WBP2NL: variants seen among roughly 807,000 people sequenced by gnomAD.
The protein encoded by WBP2NL is postacrosomal sheath WW domain-binding protein.
Under a neutral mutation model 23.3 loss-of-function variants are expected in WBP2NL, and 27 were observed. That is an observed-to-expected ratio of 1.16 (90% CI 0.85 to 1.60). The LOEUF is 1.60. Among genes scored for constraint, WBP2NL ranks in the 40% most tolerant of loss-of-function variants. WBP2NL has a pLI of 0.00. For synonymous variants in WBP2NL, 151 were observed against 145.9 expected, an observed-to-expected ratio of 1.03 and a Z score of -0.25; for missense variants, 370 against 389.5, an observed-to-expected ratio of 0.95 and a Z score of 0.42.
chr22:42,012,529 T>G (rs575937443), intron 1 of WBP2NL, among the ~76,000 whole-genome samples: 1 of 152,348 alleles, frequency 6.6e-6, no homozygotes, highest in South Asian at 2.1e-4. Context: ...GCTGTTGATT[T>G]CTAGTTTCTT....
intron 8 of WBP2NL, among the ~76,000 whole-genome samples, chr22:42,052,173 G>A (rs1002005078): frequency 1.3e-5 from 2 of 152,170 alleles, no homozygotes; most frequent in African/African-American, 4.8e-5. Context: ...CTTTGTAGAG[G>A]TAAAGGTCTG....
rs2146803859 is a variant in WBP2NL at position 42,027,982 on chromosome 22, A to G, written c.*801A>G. ...GAAATGCAACCTGAGATGAGAAAAC[A>G]TTTTTATCTCCAAAGATTTACAAAT... On this transcript the variant is annotated 3_prime_UTR_variant, in exon 6 of 6. Transcript: ENST00000328823. 2 of 398,468 alleles carry G rather than the reference A, an allele frequency of 5.0e-6. No individual in the cohort carries two copies. Among genetic ancestry groups the G allele is most frequent in the Middle Eastern group, 6.3e-4 (1 of 1,584 alleles). The allele number at this position is 398,468 out of a possible 1,614,324, so 24.7% of individuals were successfully genotyped here.
chr22:42,019,355 G>C lies in WBP2NL; in HGVS notation c.107G>C (p.Arg36Pro). ...AATGTGGAGCTCTCCTTCCCACAGC[G>C]ATCAGAAGGCTCAAATGTCTTTAGT... Reference protein sequence around the residue: ...SPNVELSFPQRSEGSNVFSGR... With the variant: ...SPNVELSFPQPSEGSNVFSGR... The change falls in exon 2 of 6, where the codon CGA becomes CCA. Residue 36 changes from arginine (R) to proline (P), a missense_variant. Arg to Pro is a moderately radical substitution (Grantham distance 103). Coordinates refer to ENST00000328823, the MANE Select transcript of WBP2NL (RefSeq NM_152613.3). 1 of 1,614,112 alleles carries C rather than the reference G, an allele frequency of 6.2e-7. No individual in the cohort carries two copies. Among genetic ancestry groups the C allele is most frequent in the South Asian group, 1.1e-5 (1 of 91,082 alleles).
At chr22:42,010,484 A>T (rs1388836562) in intron 1 of WBP2NL, among the ~76,000 whole-genome samples, 1 of 152,024 alleles carries the variant, frequency 6.6e-6, no homozygotes, top group East Asian at 1.9e-4. Context: ...GCTTCCTTCT[A>T]CTTTTAGTTT....
chr22:42,041,843 T>A (rs1925410244), intron 8 of WBP2NL, among the ~76,000 whole-genome samples: 2 of 152,238 alleles, frequency 1.3e-5, no homozygotes, highest in African/African-American at 4.8e-5. Flanking sequence ...TTTGAAGAAA[T>A]CCCTTAAGCA....
At chr22:42,020,691 G>A (rs133337) in intron 4 of WBP2NL, among the ~76,000 whole-genome samples, 10 of 150,364 alleles carry the variant, frequency 6.7e-5, no homozygotes, top group African/African-American at 2.4e-4. Context: ...TGGCTTTTTA[G>A]TTTTTCTTCT....
At chr22:42,046,674 A>G (rs1925599968) in intron 8 of WBP2NL, among the ~76,000 whole-genome samples, 1 of 152,188 alleles carries the variant, frequency 6.6e-6, no homozygotes, top group Non-Finnish European at 1.5e-5. Flanking sequence ...GAGAAATTTT[A>G]TGTTATAAGA....
At chr22:42,056,882 T>TAAA (rs1165454689) in intron 8 of WBP2NL, among the ~76,000 whole-genome samples, 2 of 152,204 alleles carry the variant, frequency 1.3e-5, no homozygotes, top group Non-Finnish European at 2.9e-5. Context: ...TTTTTAAATG[T>TAAA]ACCCATTGCC....
chr22:42,037,423 A>G (rs144155489), downstream of WBP2NL, among the ~76,000 whole-genome samples: 54 of 151,826 alleles, frequency 3.6e-4, no homozygotes, highest in African/African-American at 1.3e-3. Context: ...TGCTTTGGCT[A>G]TTCAGGGTTT....
chr22:42,043,136 G>A (rs1293015304), intron 8 of WBP2NL, among the ~76,000 whole-genome samples: 2 of 152,066 alleles, frequency 1.3e-5, no homozygotes, highest in Non-Finnish European at 2.9e-5. Context: ...ATGCTGCAGT[G>A]TGCCATGGCA....
intron 5 of WBP2NL, among the ~76,000 whole-genome samples, chr22:42,022,769 C>T (rs560090711): frequency 6.6e-5 from 10 of 152,196 alleles, no homozygotes; most frequent in Non-Finnish European, 1.5e-4. Context: ...TTGTTAAAGT[C>T]CACTGCTACT....
intron 1 of WBP2NL, among the ~76,000 whole-genome samples, chr22:42,015,279 GAAC>G (rs1489489501): frequency 2.0e-5 from 3 of 152,144 alleles, no homozygotes; most frequent in Non-Finnish European, 4.4e-5. Flanking sequence ...TCTATGTCTG[GAAC>G]AACAACAACA....
rs17002809 is a variant in WBP2NL at position 42,027,710 on chromosome 22, C to A, written c.*529C>A. The A allele has an allele frequency of 0.027, 9,282 of 343,670 alleles. 776 individuals carry two copies. Among genetic ancestry groups the A allele is most frequent in the African/African-American group, 0.17 (8,253 of 47,532 alleles). The allele number at this position is 343,670 out of a possible 1,614,324, so 21.3% of individuals were successfully genotyped here. A position where few individuals can be genotyped will look rare whatever the true frequency, so the allele number is the denominator to read the frequency against. On this transcript the variant is annotated 3_prime_UTR_variant, in exon 6 of 6. Transcript: ENST00000328823. The stretch of plus-strand genomic sequence containing the variant: ...AAAGCCTTCTTTGAGGAGACCAAAA[C>A]CAACAAATAAAAGCATGATAAATTG...
At chr22:42,008,423 T>G (rs1385130255) in intron 1 of WBP2NL, among the ~76,000 whole-genome samples, 3 of 151,720 alleles carry the variant, frequency 2.0e-5, no homozygotes, top group Non-Finnish European at 4.4e-5. Flanking sequence ...GCCAGGCTGG[T>G]CTCAAACTCT....
intron 8 of WBP2NL, among the ~76,000 whole-genome samples, chr22:42,049,689 CCAAAACAAAACAAAACAAAAAA>C (rs1925746773): frequency 7.9e-5 from 5 of 62,926 alleles, no homozygotes; most frequent in African/African-American, 3.8e-4. Flanking sequence ...GACTCCGTCT[CCAAAACAAAACAAAACAAAAAA>C]AAAAAAAAAA....
downstream of WBP2NL, chr22:42,032,267 A>G (rs2899351): frequency 0.1 from 15,210 of 152,412 alleles, 2,580 homozygotes; most frequent in African/African-American, 0.35. Flanking sequence ...CCAGAATCTT[A>G]GGTAGGGCTT....
At position 42,004,343 on chromosome 22, in the gene WBP2NL, C is replaced by A. The variant is rs565096532; in HGVS notation, c.62+5463C>A. Among the ~76,000 whole-genome samples, 14 of 152,266 alleles carry A rather than the reference C, an allele frequency of 9.2e-5. No individual in the cohort carries two copies. In the South Asian group the frequency reaches 2.7e-3, roughly 29 times the overall value. ...GTGCAGTGGCTGATGCCTGTAATCC[C>A]AGAACTTTGGGAGGCTGAGGTCGGT... On this transcript the variant is annotated intron_variant, in intron 1 of 5. Coordinates refer to ENST00000328823, the MANE Select transcript of WBP2NL (RefSeq NM_152613.3).
At chr22:42,043,016 G>GAAAAAAAAAAAAA (rs59812729) in intron 8 of WBP2NL, among the ~76,000 whole-genome samples, 1 of 55,392 alleles carries the variant, frequency 1.8e-5, no homozygotes, top group African/African-American at 5.2e-5. Context: ...AGTGAGCCAA[G>GAAAAAAAAAAAAA]AAAAAAAAAA....
rs905785409 is a variant in WBP2NL, at chr22:42,027,582, G to A, written c.*401G>A. On this transcript the variant is annotated 3_prime_UTR_variant, in exon 6 of 6. Transcript: ENST00000328823. ...AAAACGTCATGTTGAACACTTAGTTGTTTGAGAAAGCTAAATTTTCAATAG... is the reference window on the plus strand; with the variant it reads ...AAAACGTCATGTTGAACACTTAGTTATTTGAGAAAGCTAAATTTTCAATAG... 4 of 253,540 alleles carry A rather than the reference G, an allele frequency of 1.6e-5. No individual in the cohort carries two copies. Among genetic ancestry groups the A allele is most frequent in the Non-Finnish European group, 3.0e-5 (4 of 133,936 alleles). The allele number at this position is 253,540 out of a possible 1,614,324, so 15.7% of individuals were successfully genotyped here.
Sources: allele counts gnomAD v4.1 joint callset (sites outside exome capture counted in the v4.1 genomes callset), GRCh38; gene constraint gnomAD v4.1.1; transcripts MANE v1.5; gene names NCBI Gene and HGNC (gene_info 2026-07-23, HGNC 2026-07-21).